Variants in SGMS1 observed in about 807,000 individuals in gnomAD.
The protein encoded by SGMS1 is phosphatidylcholine:ceramide cholinephosphotransferase 1.
In SGMS1, 13 loss-of-function variants were observed where a neutral mutation model predicts 46.2. That is an observed-to-expected ratio of 0.28 (90% CI 0.18 to 0.45). The LOEUF is 0.45. Among genes scored for constraint, SGMS1 ranks in the 20% least tolerant of loss-of-function variants. The pLI, the probability that SGMS1 is intolerant of heterozygous loss-of-function variation, is 1.00. For missense variants in SGMS1, 324 were observed against 519.9 expected (o/e 0.62, Z 3.66); for synonymous variants, 203 against 187.8 (o/e 1.08, Z -0.66).
At chr10:50,389,736 AGCTAT>A (rs969194185) in intron 6 of SGMS1, among the ~76,000 whole-genome samples, 31 of 152,336 alleles carry the variant, frequency 2.0e-4, no homozygotes, top group African/African-American at 7.2e-4. Context: ...AATTCAGCCT[AGCTAT>A]GCCCACAAAA....
intron 2 of SGMS1, among the ~76,000 whole-genome samples, chr10:50,525,712 C>T (rs1390102584): frequency 6.6e-6 from 1 of 152,188 alleles, no homozygotes; most frequent in Non-Finnish European, 1.5e-5. Flanking sequence ...GGAGACTCTA[C>T]CACTTACCAT....
intron 1 of SGMS1, among the ~76,000 whole-genome samples, chr10:50,618,779 G>A (rs1838820980): frequency 1.3e-5 from 2 of 152,268 alleles, no homozygotes; most frequent in African/African-American, 2.4e-5. Context: ...CCACTCCTAA[G>A]TACATACCCT....
chr10:50,438,307 A>G (rs1008165831), intron 5 of SGMS1, among the ~76,000 whole-genome samples: 2 of 152,224 alleles, frequency 1.3e-5, no homozygotes, highest in African/African-American at 2.4e-5. Flanking sequence ...AGATTGTAAC[A>G]TCTACTCTGC....
chr10:50,601,301 G>A (rs1027888928), intron 1 of SGMS1, among the ~76,000 whole-genome samples: 4 of 152,214 alleles, frequency 2.6e-5, no homozygotes, highest in African/African-American at 9.7e-5. Flanking sequence ...ACAGGAAGAA[G>A]TATGGATTTG....
chr10:50,352,269 G>A (rs1046931928), intron 6 of SGMS1, among the ~76,000 whole-genome samples: 3 of 152,052 alleles, frequency 2.0e-5, no homozygotes, highest in African/African-American at 7.2e-5. Context: ...GGTGAGGTAA[G>A]AGTTACTCTT....
intron 8 of SGMS1, among the ~76,000 whole-genome samples, chr10:50,319,366 C>T (rs1376240207): frequency 6.6e-6 from 1 of 152,136 alleles, no homozygotes; most frequent in African/African-American, 2.4e-5. Flanking sequence ...CACATCTAAA[C>T]ACAGTAACAA....
rs543417485 is a variant in SGMS1 at position 50,340,952 on chromosome 10, G to GGGA, written c.623+2537_623+2539dup. Among the ~76,000 whole-genome samples the GGGA allele has an allele frequency of 2.1e-3, 317 of 152,224 alleles. 1 individual carries two copies. The highest frequency in any genetic ancestry group is 3.8e-3 in the Non-Finnish European group (256 of 68,022). ...AAAATCAAAGTAAAAATATTCTGTTGGGAATTACTGGCCAAATAGGCTTAA... is the reference window on the plus strand; with the variant it reads ...AAAATCAAAGTAAAAATATTCTGTTGGGAGGAATTACTGGCCAAATAGGCTTAA... On this transcript the variant is annotated intron_variant, in intron 7 of 10. Transcript: ENST00000361781.
intron 1 of SGMS1, among the ~76,000 whole-genome samples, chr10:50,604,316 G>A (rs1292501604): frequency 1.3e-5 from 2 of 152,152 alleles, no homozygotes; most frequent in Non-Finnish European, 2.9e-5. Flanking sequence ...AACCGTCGGT[G>A]AAATTTACAT....
At chr10:50,573,458 T>C (rs1259575083) in intron 2 of SGMS1, among the ~76,000 whole-genome samples, 2 of 152,068 alleles carry the variant, frequency 1.3e-5, no homozygotes, top group Non-Finnish European at 2.9e-5. Flanking sequence ...TAGAATAAAA[T>C]ACTTAGAAAT....
At chr10:50,564,018 C>G (rs926703091) in intron 2 of SGMS1, among the ~76,000 whole-genome samples, 1 of 152,254 alleles carries the variant, frequency 6.6e-6, no homozygotes, top group Non-Finnish European at 1.5e-5. Flanking sequence ...TCAGGCCAAA[C>G]GCCATAGCCT....
rs1848652177 is a variant in SGMS1, at chr10:50,384,431, TCCTC to T, written c.-231-40090_-231-40087del. ...CCTTCCTTCTTTCTCCTTTCCCTCT[TCCTC>T]CCTCTTTCCTCTCTTTCTCTCCTTC... is the stretch of plus-strand genomic sequence containing the variant. On this transcript the variant is annotated intron_variant, in intron 6 of 10. Coordinates refer to ENST00000361781, the MANE Select transcript of SGMS1 (RefSeq NM_147156.4). Among the ~76,000 whole-genome samples the T allele has an allele frequency of 7.3e-5, 11 of 149,848 alleles. No individual in the cohort carries two copies. In the South Asian group the frequency reaches 2.4e-3, roughly 32 times the overall value.
chr10:50,327,575 A>T (rs73330936), intron 7 of SGMS1, among the ~76,000 whole-genome samples: 5,258 of 152,296 alleles, frequency 0.035, 101 homozygotes, highest in South Asian at 0.066. Context: ...ATTAGGCTTC[A>T]TGAGGCCTTA....
chr10:50,396,417 A>G (rs1848848747), intron 6 of SGMS1, among the ~76,000 whole-genome samples: 1 of 152,190 alleles, frequency 6.6e-6, no homozygotes, highest in South Asian at 2.1e-4. Flanking sequence ...CCACAACTGT[A>G]AATGCCTCCA....
chr10:50,335,402 T>C (rs375312076), intron 7 of SGMS1: 24 of 152,246 alleles, frequency 1.6e-4, no homozygotes, highest in African/African-American at 5.3e-4. Flanking sequence ...AAGTGCTTTA[T>C]GCATATCATC....
At chr10:50,495,440 C>T (rs1837607096) in intron 3 of SGMS1, among the ~76,000 whole-genome samples, 1 of 151,870 alleles carries the variant, frequency 6.6e-6, no homozygotes, top group Non-Finnish European at 1.5e-5. Flanking sequence ...AGGATAGAAA[C>T]CATGTTAATC....
intron 2 of SGMS1, among the ~76,000 whole-genome samples, chr10:50,588,068 A>G (rs1319708326): frequency 6.6e-6 from 1 of 151,934 alleles, no homozygotes; most frequent in Admixed American, 6.6e-5. Flanking sequence ...GTGGAGTCCC[A>G]CTCACTCCTC....
chr10:50,535,306 G>T (rs779157152), intron 2 of SGMS1, among the ~76,000 whole-genome samples: 4 of 152,092 alleles, frequency 2.6e-5, no homozygotes, highest in Admixed American at 6.5e-5. Context: ...TTCATATGAA[G>T]CATGCCTATG....
At chr10:50,552,869 AAAGAG>A (rs1457235691) in intron 2 of SGMS1, among the ~76,000 whole-genome samples, 1 of 152,086 alleles carries the variant, frequency 6.6e-6, no homozygotes, top group East Asian at 1.9e-4. Context: ...ACCTGACACC[AAAGAG>A]AAGAGAAGAA....
At chr10:50,420,265 T>A (rs770790739) in intron 6 of SGMS1, among the ~76,000 whole-genome samples, 1 of 152,336 alleles carries the variant, frequency 6.6e-6, no homozygotes, top group East Asian at 1.9e-4. Context: ...GAGCTCCCTC[T>A]TTTCTCTCTT....
Sources: allele counts gnomAD v4.1 joint callset (sites outside exome capture counted in the v4.1 genomes callset), GRCh38; gene constraint gnomAD v4.1.1; transcripts MANE v1.5; gene names NCBI Gene and HGNC (gene_info 2026-07-23, HGNC 2026-07-21).